CCBE1: variants seen among roughly 807,000 people sequenced by gnomAD.
CCBE1 encodes the protein collagen and calcium binding EGF domains 1, also known as collagen and calcium-binding EGF domain-containing protein 1.
In CCBE1, 37 loss-of-function variants were observed where a neutral mutation model predicts 50.0. The ratio of observed to expected loss-of-function variants is 0.74; its 90% CI spans 0.57 to 0.97. The LOEUF (loss-of-function observed/expected upper bound fraction) is 0.97, where lower values mean the gene tolerates loss of function less well. CCBE1 is among the 50% of genes least tolerant of loss of function. The pLI, the probability that CCBE1 is intolerant of heterozygous loss-of-function variation, is 0.00. For synonymous variants in CCBE1, 234 were observed against 203.7 expected (o/e 1.15, Z -1.27); for missense variants, 538 against 523.8 (o/e 1.03, Z -0.26).
chr18:59,697,372 C>A lies in CCBE1; in HGVS notation c.-30G>T. Reference sequence around the variant, plus strand: ...GAAGCTCCCGGCTTCTTCCCAGCGCCGAGCTCCGTCCGGACCAAGCGTCCT... The same window carrying A: ...GAAGCTCCCGGCTTCTTCCCAGCGCAGAGCTCCGTCCGGACCAAGCGTCCT... On this transcript the variant is annotated 5_prime_UTR_variant, in exon 1 of 11. Transcript: ENST00000439986. 1 of 1,541,300 alleles carries A rather than the reference C, an allele frequency of 6.5e-7. No individual in the cohort carries two copies. The highest frequency in any genetic ancestry group is 8.7e-7 in the Non-Finnish European group (1 of 1,145,704).
chr18:59,667,680 G>A (rs72966941), intron 2 of CCBE1, among the ~76,000 whole-genome samples: 11,529 of 152,232 alleles, frequency 0.076, 558 homozygotes, highest in Non-Finnish European at 0.097. Context: ...CAGCTGCTGG[G>A]TGTGTCACTG....
At chr18:59,659,029 C>T (rs1248550744) in intron 2 of CCBE1, among the ~76,000 whole-genome samples, 4 of 152,148 alleles carry the variant, frequency 2.6e-5, no homozygotes, top group Admixed American at 6.5e-5. Context: ...CACCACATCC[C>T]GACAAATAAC....
At chr18:59,654,053 GA>G (rs1400519366) in intron 2 of CCBE1, among the ~76,000 whole-genome samples, 18 of 151,768 alleles carry the variant, frequency 1.2e-4, no homozygotes, top group African/African-American at 4.1e-4. Context: ...AAGTAGGTTG[GA>G]AAAAAAAGAT....
chr18:59,453,950 C>T (rs1384775595), intron 6 of CCBE1, among the ~76,000 whole-genome samples: 6 of 152,118 alleles, frequency 3.9e-5, no homozygotes, highest in South Asian at 2.1e-4. Flanking sequence ...TCTGCTATAC[C>T]GTCAGGCATT....
chr18:59,677,437 A>G (rs1382536906), intron 2 of CCBE1, among the ~76,000 whole-genome samples: 1 of 152,144 alleles, frequency 6.6e-6, no homozygotes, highest in African/African-American at 2.4e-5. Flanking sequence ...AATTTCTTGA[A>G]GACATCCAAG....
chr18:59,542,060 G>A (rs1343932577), intron 2 of CCBE1, among the ~76,000 whole-genome samples: 4 of 151,708 alleles, frequency 2.6e-5, no homozygotes, highest in African/African-American at 9.7e-5. Context: ...TGTAGTCCCA[G>A]CTACACCGGA....
Position 59,453,977 on chromosome 18 carries a change from A to G in CCBE1, c.654+874T>C, listed in dbSNP as rs78482845. Among the ~76,000 whole-genome samples, 1,728 of 152,230 alleles carry G rather than the reference A, an allele frequency of 0.011. 115 individuals are homozygous for G. In the East Asian group the frequency reaches 0.2, roughly 18 times the overall value. On this transcript the variant is annotated intron_variant, in intron 6 of 10. Transcript: ENST00000439986. ...TCAGGCATTCGGACAGCCTTTTATA[A>G]AGTGCATTAGTCCTCATCCTTGGTG...
chr18:59,541,238 C>T (rs375572677), intron 2 of CCBE1, among the ~76,000 whole-genome samples: 1 of 152,124 alleles, frequency 6.6e-6, no homozygotes, highest in East Asian at 1.9e-4. Context: ...ACTTTGTTCA[C>T]TTAAATTCTA....
chr18:59,696,561 T>G (rs955774303), intron 2 of CCBE1, 68 bp downstream of exon 2: 22 of 1,605,520 alleles, frequency 1.4e-5, no homozygotes, highest in African/African-American at 1.1e-4. Context: ...ACCCCTCCTT[T>G]ACAGCGCCGC....
At chr18:59,673,176 C>A (rs1427369176) in intron 2 of CCBE1, among the ~76,000 whole-genome samples, 1 of 152,234 alleles carries the variant, frequency 6.6e-6, no homozygotes, top group East Asian at 1.9e-4. Context: ...TGAGGCCAGG[C>A]GTGGTGGCTC....
intron 5 of CCBE1, among the ~76,000 whole-genome samples, chr18:59,463,657 A>G (rs1460009837): frequency 2.6e-5 from 4 of 152,216 alleles, no homozygotes; most frequent in Admixed American, 6.5e-5. Flanking sequence ...CCTCACAGGC[A>G]GGAACTCCTT....
At chr18:59,674,748 T>C (rs1159236595) in intron 2 of CCBE1, among the ~76,000 whole-genome samples, 3 of 152,236 alleles carry the variant, frequency 2.0e-5, no homozygotes, top group Non-Finnish European at 4.4e-5. Flanking sequence ...CTTCTGCTAT[T>C]ACACAATATT....
chr18:59,611,782 T>G (rs901327963), intron 2 of CCBE1, among the ~76,000 whole-genome samples: 35 of 152,232 alleles, frequency 2.3e-4, no homozygotes, highest in African/African-American at 7.5e-4. Context: ...TTTTTCTGTA[T>G]ACCAAATACA....
At chr18:59,589,021 T>C (rs1471597018) in intron 2 of CCBE1, among the ~76,000 whole-genome samples, 1 of 152,200 alleles carries the variant, frequency 6.6e-6, no homozygotes, top group Non-Finnish European at 1.5e-5. Flanking sequence ...AGAGGGAGGA[T>C]GTCCTGAAAG....
intron 2 of CCBE1, among the ~76,000 whole-genome samples, chr18:59,513,321 CA>C (rs11417238): frequency 7.9e-5 from 12 of 151,708 alleles, no homozygotes; most frequent in Non-Finnish European, 1.3e-4. Context: ...CAAAACAAAA[CA>C]AAAAAATTCA....
intron 2 of CCBE1, among the ~76,000 whole-genome samples, chr18:59,548,247 A>G (rs1175955499): frequency 6.6e-6 from 1 of 152,196 alleles, no homozygotes. Context: ...CCTTTAAAAG[A>G]AAGATATCTT....
intron 5 of CCBE1, among the ~76,000 whole-genome samples, chr18:59,455,950 G>C (rs563848830): frequency 1.3e-5 from 2 of 152,192 alleles, no homozygotes; most frequent in Non-Finnish European, 2.9e-5. Context: ...TGGGGAAGTC[G>C]GGTAATGCGT....
chr18:59,598,690 A>G (rs1400295659), intron 2 of CCBE1, among the ~76,000 whole-genome samples: 6 of 152,248 alleles, frequency 3.9e-5, no homozygotes, highest in Non-Finnish European at 5.9e-5. Context: ...CAAGGGCAGA[A>G]GATGATCCAG....
At chr18:59,580,390 T>A (rs530918819) in intron 2 of CCBE1, among the ~76,000 whole-genome samples, 1 of 152,342 alleles carries the variant, frequency 6.6e-6, no homozygotes, top group African/African-American at 2.4e-5. Flanking sequence ...TGTTGATTGA[T>A]GTCTCATGTG....
Sources: gnomAD v4.1 joint callset for allele counts (sites outside exome capture counted in the v4.1 genomes callset) on GRCh38, gnomAD v4.1.1 for gene constraint, MANE v1.5 for transcripts, NCBI Gene and HGNC (gene_info 2026-07-23, HGNC 2026-07-21) for gene names.